PAFAH1B3: variants seen among roughly 807,000 people sequenced by gnomAD.
PAFAH1B3 encodes platelet-activating factor acetylhydrolase IB subunit alpha1.
Under a neutral mutation model 24.4 loss-of-function variants are expected in PAFAH1B3, and 15 were observed. The ratio of observed to expected loss-of-function variants is 0.62; its 90% CI spans 0.41 to 0.95. The LOEUF (loss-of-function observed/expected upper bound fraction) is 0.95. Ranked by LOEUF, PAFAH1B3 falls within the 40% of genes least tolerant of loss-of-function variation. PAFAH1B3 has a pLI of 0.00. For synonymous variants in PAFAH1B3, 144 were observed against 126.5 expected (o/e 1.14, Z -0.93); for missense variants, 266 against 312.2 (o/e 0.85, Z 1.12).
rs751873527 is a variant in PAFAH1B3 at position 42,302,356 on chromosome 19, G to C, written c.-47C>G. On this transcript the variant is annotated 5_prime_UTR_variant, in exon 1 of 5. Transcript: ENST00000262890. ...GGATGAGCGAGTCGGGTCGGCCCGG[G>C]AGTGTTCCGAACGGAGCTGGCTCCG... is the stretch of plus-strand genomic sequence containing the variant. The C allele has an allele frequency of 2.0e-6, 3 of 1,527,236 alleles. No individual in the cohort carries two copies. The highest frequency in any genetic ancestry group is 1.9e-5 in the Admixed American group (1 of 51,848). 94.6% of individuals were successfully genotyped at this position (1,527,236 alleles called of 1,614,324 possible).
chr19:42,299,251 G>A (rs1168900041), intron 4 of PAFAH1B3, among the ~76,000 whole-genome samples: 1 of 151,904 alleles, frequency 6.6e-6, no homozygotes, highest in Non-Finnish European at 1.5e-5. Context: ...CAAGTAGCTG[G>A]GATTATAGGC....
chr19:42,297,610 G>A (rs1219674867), intron 4 of PAFAH1B3, among the ~76,000 whole-genome samples: 3 of 139,502 alleles, frequency 2.2e-5, no homozygotes, highest in African/African-American at 8.1e-5. Context: ...GTCTTGCTCT[G>A]TCGCCCAGAC....
intron 4 of PAFAH1B3, 156 bp downstream of exon 4, chr19:42,299,814 C>A: frequency 2.1e-6 from 2 of 941,094 alleles, no homozygotes; most frequent in Non-Finnish European, 3.2e-6. Context: ...TTCTCAACCA[C>A]AGCCACTCTG....
intron 4 of PAFAH1B3, among the ~76,000 whole-genome samples, chr19:42,298,140 T>G (rs1190764092): frequency 6.6e-6 from 1 of 152,040 alleles, no homozygotes; most frequent in East Asian, 1.9e-4. Context: ...GAAGTTGCAG[T>G]GAGCTGAGAT....
chr19:42,299,869 T>A (rs2038590631), intron 4 of PAFAH1B3, 101 bp downstream of exon 4: 2 of 1,461,180 alleles, frequency 1.4e-6, no homozygotes, highest in Non-Finnish European at 1.9e-6. Flanking sequence ...TAAAAGCCAC[T>A]GCTCTATGTC....
At chr19:42,299,829 G>A in intron 4 of PAFAH1B3, 141 bp downstream of exon 4, 2 of 1,068,988 alleles carry the variant, frequency 1.9e-6, no homozygotes, top group Non-Finnish European at 2.8e-6. Flanking sequence ...ACTCTGAAGG[G>A]TATAGCAAGC....
intron 4 of PAFAH1B3, among the ~76,000 whole-genome samples, chr19:42,299,408 C>A (rs544363642): frequency 6.7e-6 from 1 of 149,308 alleles, no homozygotes; most frequent in Non-Finnish European, 1.5e-5. Context: ...TGAGCCACTG[C>A]GCCCAGCCCA....
intron 2 of PAFAH1B3, 78 bp downstream of exon 2, chr19:42,301,872 C>T: frequency 8.2e-7 from 1 of 1,218,598 alleles, no homozygotes; most frequent in Non-Finnish European, 1.2e-6. Flanking sequence ...TAATACCTCA[C>T]CTGGCCTGGG....
At position 42,300,038 on chromosome 19, in the gene PAFAH1B3, T is replaced by G; in HGVS notation, c.340A>C (p.Thr114Pro). 6.2e-7 allele frequency: 1 copy of G among 1,614,164 alleles called. No homozygotes were observed. Among genetic ancestry groups the G allele is most frequent in the Non-Finnish European group, 8.5e-7 (1 of 1,180,008 alleles). Residue 114 changes from threonine (T) to proline (P), a missense_variant, in exon 4 of 5, where the codon ACT (threonine) becomes CCT (proline). By Grantham distance (38) the Thr-to-Pro change is conservative. Transcript: ENST00000262890. ...NNHGHTAEQV[T>P]GGIKAIVQLV... ...TGCACAATGGCCTTGATGCCACCAG[T>G]CACCTGCTCTGCTGTGTGTCCGTGG... is the stretch of plus-strand genomic sequence containing the variant.
Position 42,301,410 on chromosome 19 carries a change from C to T in PAFAH1B3, c.168+540G>A, listed in dbSNP as rs187156511. ...AGACCCTGTCTCAAAAACCAACCAA[C>T]CAACCAACCAACCAACAAAACAAAC... is the stretch of plus-strand genomic sequence containing the variant. On this transcript the variant is annotated intron_variant, in intron 2 of 4. Coordinates refer to ENST00000262890, the MANE Select transcript of PAFAH1B3 (RefSeq NM_002573.4). Among the ~76,000 whole-genome samples the T allele has an allele frequency of 4.6e-5, 7 of 152,188 alleles. No homozygotes were observed. The East Asian group carries it at 1.4e-3, about 29-fold the overall frequency.
At position 42,297,069 on chromosome 19, in the gene PAFAH1B3, G is replaced by A; in HGVS notation, c.*9C>T. 6.3e-7 allele frequency: 1 copy of A among 1,593,974 alleles called. No homozygotes were observed. The highest frequency in any genetic ancestry group is 2.3e-5 in the East Asian group (1 of 44,282). ...GAGAGTTTAATGTTGTGGGAAGGCA[G>A]CAGGATGCTTAGGGTGCGGGCTCCA... On this transcript the variant is annotated 3_prime_UTR_variant, in exon 5 of 5. Coordinates refer to ENST00000262890, the MANE Select transcript of PAFAH1B3 (RefSeq NM_002573.4).
chr19:42,302,032 C>G lies in PAFAH1B3; in HGVS notation c.86G>C (p.Arg29Pro). The change falls in exon 2 of 5, where the codon CGG (arginine) becomes CCG (proline). Residue 29 changes from arginine (R) to proline (P), a missense_variant. Transcript: ENST00000262890. ...CTTATCTTTGCTGTCAGCCACGAAC[C>G]GATGGTGCTGCGGGAGCGCGCGAGA... ...GDGRWMSLHH[R>P]FVADSKDKEP... 1 of 1,568,560 alleles carries G rather than the reference C, an allele frequency of 6.4e-7. No homozygotes were observed. Among genetic ancestry groups the G allele is most frequent in the Non-Finnish European group, 8.6e-7 (1 of 1,156,788 alleles).
At chr19:42,300,891 T>C (rs2038612709) in intron 2 of PAFAH1B3, among the ~76,000 whole-genome samples, 1 of 152,174 alleles carries the variant, frequency 6.6e-6, no homozygotes. Context: ...CTCGGCTCAT[T>C]GCAATCTCTG....
rs750411270 is a variant in PAFAH1B3, at chr19:42,297,056, T to A, written c.*22A>T. On this transcript the variant is annotated 3_prime_UTR_variant, in exon 5 of 5. Coordinates refer to ENST00000262890, the MANE Select transcript of PAFAH1B3 (RefSeq NM_002573.4). ...CACACTGAGGAAGGAGAGTTTAATG[T>A]TGTGGGAAGGCAGCAGGATGCTTAG... is the stretch of plus-strand genomic sequence containing the variant. 4 of 1,589,394 alleles carry A rather than the reference T, an allele frequency of 2.5e-6. No individual in the cohort carries two copies. The highest frequency in any genetic ancestry group is 3.4e-6 in the Non-Finnish European group (4 of 1,162,014).
intron 4 of PAFAH1B3, among the ~76,000 whole-genome samples, chr19:42,298,293 C>T (rs2038568520): frequency 6.6e-6 from 1 of 152,156 alleles, no homozygotes; most frequent in Non-Finnish European, 1.5e-5. Flanking sequence ...GAGTTTGAGG[C>T]CAGCCCGGCC....
In PAFAH1B3 at chr19:42,300,024, C is replaced by G. The variant is rs776305259; in HGVS notation, c.354G>C (p.Lys118Asn). ...HTAEQVTGGI[K>N]AIVQLVNERQ... ...GCTCATTCACCAGTTGCACAATGGC[C>G]TTGATGCCACCAGTCACCTGCTCTG... is the stretch of plus-strand genomic sequence containing the variant. Residue 118 changes from lysine to asparagine, a missense_variant, in exon 4 of 5, where the codon AAG (lysine) becomes AAC (asparagine). By Grantham distance (94) the Lys-to-Asn change is moderately conservative. Coordinates refer to ENST00000262890, the MANE Select transcript of PAFAH1B3 (RefSeq NM_002573.4). The G allele has an allele frequency of 1.9e-6, 3 of 1,614,224 alleles. No homozygotes were observed. The highest frequency in any genetic ancestry group is 1.7e-6 in the Non-Finnish European group (2 of 1,180,030).
chr19:42,302,083 G>GGGCCC, intron 1 of PAFAH1B3, 44 bp from the exon 2 acceptor site: 1 of 1,534,334 alleles, frequency 6.5e-7, no homozygotes, highest in Non-Finnish European at 8.8e-7. Flanking sequence ...GCACGCTCCA[G>GGGCCC]GGCCCGCCCC....
At chr19:42,300,488 CTTATT>C (rs750623980) in intron 2 of PAFAH1B3, among the ~76,000 whole-genome samples, 37 of 152,270 alleles carry the variant, frequency 2.4e-4, no homozygotes, top group South Asian at 8.3e-4. Context: ...GAGTCTCTCA[CTTATT>C]TTATTTTATT....
Position 42,300,012 on chromosome 19 carries a change from T to C in PAFAH1B3, c.366A>G (p.Gln122=). 2.5e-6 allele frequency: 4 copies of C among 1,614,216 alleles called. No homozygotes were observed. Among genetic ancestry groups the C allele is most frequent in the Non-Finnish European group, 3.4e-6 (4 of 1,180,036 alleles). Residue 122 remains glutamine (Q), a synonymous_variant, in exon 4 of 5, where the codon CAA becomes CAG. Transcript: ENST00000262890. ...CCTGGGGCTGTCGCTCATTCACCAGTTGCACAATGGCCTTGATGCCACCAG... is the reference window on the plus strand; with the variant it reads ...CCTGGGGCTGTCGCTCATTCACCAGCTGCACAATGGCCTTGATGCCACCAG... ...QVTGGIKAIV[Q]LVNERQPQAR...
Sources: gnomAD v4.1 joint callset for allele counts (sites outside exome capture counted in the v4.1 genomes callset) on GRCh38, gnomAD v4.1.1 for gene constraint, MANE v1.5 for transcripts, NCBI Gene and HGNC (gene_info 2026-07-23, HGNC 2026-07-21) for gene names.